TMEM123: variants seen among roughly 807,000 people sequenced by gnomAD.
TMEM123 encodes the protein porimin.
A neutral mutation model predicts 19.7 loss-of-function variants in TMEM123; 16 were observed. The ratio of observed to expected loss-of-function variants is 0.81; its 90% CI spans 0.55 to 1.23. The LOEUF (loss-of-function observed/expected upper bound fraction) is 1.23, where lower values mean the gene tolerates loss of function less well. Ranked by LOEUF, TMEM123 falls within the 50% of genes most tolerant of loss-of-function variation. TMEM123 has a pLI of 0.00. For missense variants in TMEM123, 313 were observed against 257.8 expected, an observed-to-expected ratio of 1.21 and a Z score of -1.47; for synonymous variants, 118 against 99.4, an observed-to-expected ratio of 1.19 and a Z score of -1.12.
intron 2 of TMEM123, among the ~76,000 whole-genome samples, chr11:102,432,811 C>T (rs1327425354): frequency 1.3e-5 from 2 of 152,254 alleles, no homozygotes; most frequent in East Asian, 1.9e-4. Context: ...GGACATAGTG[C>T]CCTGCGTCTC....
intron 2 of TMEM123, among the ~76,000 whole-genome samples, chr11:102,406,934 AG>A (rs1327053795): frequency 3.3e-5 from 5 of 151,618 alleles, no homozygotes; most frequent in Admixed American, 6.6e-5. Context: ...GGTCACCAGT[AG>A]GGGGTGGAGC....
At position 102,409,898 on chromosome 11, in the gene TMEM123, A is replaced by G. The variant is rs76207626; in HGVS notation, c.158-7692T>C. The stretch of plus-strand genomic sequence containing the variant: ...AAACAAACTAGATAAATCTAGATTC[A>G]AAAAAAAAAAAAATCTAAGAGAAAA... On this transcript the variant is annotated intron_variant, in intron 2 of 4. Coordinates refer to ENST00000398136, the MANE Select transcript of TMEM123 (RefSeq NM_052932.3). Among the ~76,000 whole-genome samples, 4 of 114,468 alleles carry G rather than the reference A, an allele frequency of 3.5e-5. No individual in the cohort carries two copies. In the South Asian group the frequency reaches 1.0e-3, roughly 29 times the overall value. 75.1% of individuals were successfully genotyped at this position (114,468 alleles called of 152,430 possible). A position where few individuals can be genotyped will look rare whatever the true frequency, so the allele number is the denominator to read the frequency against.
chr11:102,450,612 TA>T (rs1857928113), intron 1 of TMEM123, among the ~76,000 whole-genome samples: 2 of 152,256 alleles, frequency 1.3e-5, no homozygotes. Context: ...ATAAAAGTAT[TA>T]TCTACTTCAA....
chr11:102,404,014 A>AT (rs895903396), intron 2 of TMEM123, among the ~76,000 whole-genome samples: 7 of 152,274 alleles, frequency 4.6e-5, no homozygotes, highest in South Asian at 2.1e-4. Flanking sequence ...TTCTTTATCA[A>AT]TTACCTAGTC....
intron 1 of TMEM123, among the ~76,000 whole-genome samples, chr11:102,451,890 T>C (rs1020248431): frequency 6.6e-6 from 1 of 152,228 alleles, no homozygotes. Flanking sequence ...CGGGTGTTTA[T>C]GGCACACGAG....
intron 2 of TMEM123, chr11:102,448,475 A>T (rs1365792836): frequency 8.8e-6 from 3 of 339,064 alleles, no homozygotes; most frequent in Non-Finnish European, 1.7e-5. Context: ...CATCAATAGG[A>T]CCTGCAGACT....
chr11:102,430,279 C>G (rs1314894383), intron 2 of TMEM123, among the ~76,000 whole-genome samples: 1 of 152,232 alleles, frequency 6.6e-6, no homozygotes. Flanking sequence ...TTTACTCCTC[C>G]CATAGCATTC....
intron 1 of TMEM123, among the ~76,000 whole-genome samples, chr11:102,451,939 C>T (rs1857944728): frequency 6.6e-6 from 1 of 152,250 alleles, no homozygotes; most frequent in African/African-American, 2.4e-5. Flanking sequence ...GCCGCCTCAA[C>T]TACCGCGAGG....
chr11:102,442,114 C>A (rs181078981), intron 2 of TMEM123, among the ~76,000 whole-genome samples: 33 of 152,250 alleles, frequency 2.2e-4, no homozygotes, highest in African/African-American at 7.5e-4. Context: ...CCGAATTCTA[C>A]CAGAGGTACA....
intron 1 of TMEM123, 47 bp downstream of exon 1, chr11:102,452,477 C>T: frequency 2.2e-6 from 3 of 1,379,608 alleles, no homozygotes; most frequent in East Asian, 2.9e-5. Context: ...GCCTCGGCAG[C>T]GCGCTGCCTC....
intron 2 of TMEM123, among the ~76,000 whole-genome samples, chr11:102,430,852 C>T (rs959257623): frequency 6.6e-6 from 1 of 152,190 alleles, no homozygotes; most frequent in African/African-American, 2.4e-5. Context: ...ATTCAATTAA[C>T]AGCAAAGCAA....
rs944014016 is a variant in TMEM123, at chr11:102,443,300, T to A, written c.157+5512A>T. On this transcript the variant is annotated intron_variant, in intron 2 of 4. Transcript: ENST00000398136. ...CATGCTACGTGATTTCAAACTACACTACAAGGCTACAGTAACCAAAACAGC... is the reference window on the plus strand; with the variant it reads ...CATGCTACGTGATTTCAAACTACACAACAAGGCTACAGTAACCAAAACAGC... 2.4e-4 allele frequency among the ~76,000 whole-genome samples: 36 copies of A among 152,160 alleles called. 1 individual carries two copies. The highest frequency in any genetic ancestry group is 8.7e-4 in the African/African-American group (36 of 41,422).
intron 2 of TMEM123, among the ~76,000 whole-genome samples, chr11:102,442,576 C>A (rs1009517150): frequency 3.4e-4 from 51 of 152,126 alleles, no homozygotes; most frequent in Non-Finnish European, 4.4e-5. Flanking sequence ...ATGACAAACC[C>A]ACAGCCAATA....
intron 2 of TMEM123, among the ~76,000 whole-genome samples, chr11:102,420,834 G>C: frequency 6.6e-6 from 1 of 152,158 alleles, no homozygotes; most frequent in East Asian, 1.9e-4. Context: ...GGTCACTTGA[G>C]GTCAGGAGTT....
intron 2 of TMEM123, among the ~76,000 whole-genome samples, chr11:102,411,965 C>T (rs926286667): frequency 5.9e-5 from 9 of 152,224 alleles, no homozygotes; most frequent in Non-Finnish European, 7.4e-5. Flanking sequence ...ACCCTTCTGC[C>T]CCAGGAGGAA....
At chr11:102,428,033 G>A (rs1043860177) in intron 2 of TMEM123, among the ~76,000 whole-genome samples, 2 of 151,360 alleles carry the variant, frequency 1.3e-5, no homozygotes, top group Non-Finnish European at 3.0e-5. Context: ...AAAATGAGAT[G>A]CTGATAAAAA....
At chr11:102,438,689 G>T (rs1857791667) in intron 2 of TMEM123, among the ~76,000 whole-genome samples, 2 of 152,250 alleles carry the variant, frequency 1.3e-5, no homozygotes, top group South Asian at 4.1e-4. Context: ...CAGAAGATAG[G>T]TGGATTTCTG....
intron 2 of TMEM123, among the ~76,000 whole-genome samples, chr11:102,425,975 GTTAT>G (rs1202773802): frequency 6.6e-6 from 1 of 152,062 alleles, no homozygotes; most frequent in Non-Finnish European, 1.5e-5. Flanking sequence ...TTTTACTATA[GTTAT>G]TTTTGTTCTT....
chr11:102,399,659 A>G (rs1951893148), intron 4 of TMEM123, among the ~76,000 whole-genome samples: 1 of 152,192 alleles, frequency 6.6e-6, no homozygotes, highest in Non-Finnish European at 1.5e-5. Flanking sequence ...ACGTAACTTT[A>G]AATATAACTT....
Sources: gnomAD v4.1 joint callset for allele counts (sites outside exome capture counted in the v4.1 genomes callset) on GRCh38, gnomAD v4.1.1 for gene constraint, MANE v1.5 for transcripts, NCBI Gene and HGNC (gene_info 2026-07-23, HGNC 2026-07-21) for gene names.